The following PPP2R5A variants were observed in gnomAD, a reference collection of about 807,000 sequenced individuals.
The protein encoded by PPP2R5A is serine/threonine-protein phosphatase 2A 56 kDa regulatory subunit alpha isoform.
A neutral mutation model predicts 64.2 loss-of-function variants in PPP2R5A; 25 were observed. The observed-to-expected ratio is 0.39, with a 90% CI of 0.28 to 0.54. The LOEUF (loss-of-function observed/expected upper bound fraction) is 0.54. Ranked by LOEUF, PPP2R5A falls within the 20% of genes least tolerant of loss-of-function variation. The pLI is 0.67. For missense variants in PPP2R5A, 425 were observed against 576.3 expected, an observed-to-expected ratio of 0.74 and a Z score of 2.69; for synonymous variants, 198 against 201.2, an observed-to-expected ratio of 0.98 and a Z score of 0.13.
At chr1:212,286,365 T>C in intron 1 of PPP2R5A, 74 bp downstream of exon 1, 1 of 1,373,726 alleles carries the variant, frequency 7.3e-7, no homozygotes. Flanking sequence ...AGCAGAGCCA[T>C]TTCCTGCTGG....
At chr1:212,321,396 T>C (rs1256034894) in intron 1 of PPP2R5A, among the ~76,000 whole-genome samples, 16 of 148,888 alleles carry the variant, frequency 1.1e-4, no homozygotes, top group Non-Finnish European at 2.1e-4. Flanking sequence ...CCAGACGGGG[T>C]GGCTGCCAGG....
At position 212,356,681 on chromosome 1, in the gene PPP2R5A, G is replaced by A; in HGVS notation, c.978+5G>A. 3 of 1,612,348 alleles carry A rather than the reference G, an allele frequency of 1.9e-6. No homozygotes were observed. Among genetic ancestry groups the A allele is most frequent in the South Asian group, 1.1e-5 (1 of 90,846 alleles). On this transcript the variant is annotated splice_donor_5th_base_variant and intron_variant, in intron 9 of 12. Transcript: ENST00000261461. ...AAAACCTGCAGTCAGAAAGAGGTGGGTTTTGTTCACTAAATGTAGTGCATT... is the reference window on the plus strand; with the variant it reads ...AAAACCTGCAGTCAGAAAGAGGTGGATTTTGTTCACTAAATGTAGTGCATT...
intron 1 of PPP2R5A, among the ~76,000 whole-genome samples, chr1:212,290,118 A>G (rs148484476): frequency 2.6e-3 from 396 of 152,318 alleles, no homozygotes; most frequent in African/African-American, 9.1e-3. Context: ...GTAGCACTCA[A>G]GATTCTTTGT....
intron 1 of PPP2R5A, among the ~76,000 whole-genome samples, chr1:212,315,175 C>T (rs905956473): frequency 6.6e-6 from 1 of 152,192 alleles, no homozygotes; most frequent in Non-Finnish European, 1.5e-5. Flanking sequence ...AATAGTTTCT[C>T]ATCCTGAATT....
At chr1:212,305,949 A>T (rs1658892347) in intron 1 of PPP2R5A, among the ~76,000 whole-genome samples, 1 of 152,212 alleles carries the variant, frequency 6.6e-6, no homozygotes. Context: ...CAAAATCCTA[A>T]GGAAATTGAA....
chr1:212,309,993 TC>T (rs1658998744), intron 1 of PPP2R5A, among the ~76,000 whole-genome samples: 1 of 152,174 alleles, frequency 6.6e-6, no homozygotes, highest in African/African-American at 2.4e-5. Context: ...GGTGTAGTTT[TC>T]CCCCATACTT....
At chr1:212,327,479 A>G (rs1201125215) in intron 1 of PPP2R5A, among the ~76,000 whole-genome samples, 1 of 152,146 alleles carries the variant, frequency 6.6e-6, no homozygotes, top group South Asian at 2.1e-4. Context: ...CAGTGGCGCT[A>G]TCTCGGCTCA....
Position 212,329,254 on chromosome 1 carries a change from C to T in PPP2R5A, c.301C>T (p.Leu101=). The T allele has an allele frequency of 6.2e-7, 1 of 1,612,886 alleles. No individual in the cohort carries two copies. The highest frequency in any genetic ancestry group is 1.1e-5 in the South Asian group (1 of 90,714). ...LKSKEIKRAT[L]NELVEYVSTN... is the part of the protein sequence containing the mutation. ...GAGCAAAGAAATTAAAAGAGCAACA[C>T]TGAATGAACTGGTTGAGTATGTTTC... is the stretch of plus-strand genomic sequence containing the variant. The change falls in exon 2 of 13, where the codon CTG becomes TTG. Residue 101 remains leucine, a synonymous_variant. Coordinates refer to ENST00000261461, the MANE Select transcript of PPP2R5A (RefSeq NM_006243.4).
chr1:212,355,521 TTAC>T (rs1363325809), intron 8 of PPP2R5A, among the ~76,000 whole-genome samples: 2 of 152,194 alleles, frequency 1.3e-5, no homozygotes, highest in Non-Finnish European at 2.9e-5. Context: ...CTAGATGGTT[TTAC>T]AGCCTGTCTC....
At chr1:212,344,101 A>T (rs1158729359) in intron 4 of PPP2R5A, among the ~76,000 whole-genome samples, 1 of 152,076 alleles carries the variant, frequency 6.6e-6, no homozygotes, top group Non-Finnish European at 1.5e-5. Flanking sequence ...CCTCCCAAGT[A>T]GCTGGGACTG....
chr1:212,334,514 G>A (rs148746644), intron 3 of PPP2R5A, among the ~76,000 whole-genome samples: 88 of 152,144 alleles, frequency 5.8e-4, no homozygotes, highest in African/African-American at 2.0e-3. Flanking sequence ...GGCTGGTTTC[G>A]AACACCTGAG....
chr1:212,291,902 A>G (rs192053424), intron 1 of PPP2R5A, among the ~76,000 whole-genome samples: 1 of 152,320 alleles, frequency 6.6e-6, no homozygotes, highest in Non-Finnish European at 1.5e-5. Context: ...AGGTTTGCCT[A>G]ATTTTAATCC....
At chr1:212,314,378 T>C (rs1340258620) in intron 1 of PPP2R5A, among the ~76,000 whole-genome samples, 1 of 152,064 alleles carries the variant, frequency 6.6e-6, no homozygotes, top group Non-Finnish European at 1.5e-5. Flanking sequence ...GGTAGTTTTT[T>C]TTTGTTGTTG....
Position 212,321,477 on chromosome 1 carries a change from G to A in PPP2R5A, c.182-7658G>A, listed in dbSNP as rs1483956966. ...GGGCTCCTCACTTCTCAGACGGTGT[G>A]GCTGCCGGGCGGAGGGGCTCCTCAC... On this transcript the variant is annotated intron_variant, in intron 1 of 12. Coordinates refer to ENST00000261461, the MANE Select transcript of PPP2R5A (RefSeq NM_006243.4). Among the ~76,000 whole-genome samples the A allele has an allele frequency of 2.8e-4, 42 of 150,268 alleles. 2 individuals are homozygous for A. The highest frequency in any genetic ancestry group is 1.0e-3 in the African/African-American group (42 of 40,188).
chr1:212,293,920 C>T (rs1206718158), intron 1 of PPP2R5A, among the ~76,000 whole-genome samples: 2 of 152,068 alleles, frequency 1.3e-5, no homozygotes, highest in African/African-American at 4.8e-5. Flanking sequence ...TAATAAATAT[C>T]TTGCCATTTC....
rs537114370 is a variant in PPP2R5A, at chr1:212,340,680, A to G, written c.481-1508A>G. 2.0e-5 allele frequency among the ~76,000 whole-genome samples: 3 copies of G among 152,380 alleles called. No individual in the cohort carries two copies. In the East Asian group the frequency reaches 5.8e-4, roughly 29 times the overall value. ...TATATCCTTAATTTATGATAAACAC[A>G]AAATGTTAGGTAACATTAGACCAGA... is the stretch of plus-strand genomic sequence containing the variant. On this transcript the variant is annotated intron_variant, in intron 3 of 12. Transcript: ENST00000261461.
intron 8 of PPP2R5A, among the ~76,000 whole-genome samples, chr1:212,350,892 C>T (rs1295651465): frequency 6.6e-6 from 1 of 150,606 alleles, no homozygotes; most frequent in Non-Finnish European, 1.5e-5. Context: ...AATCCCAGCA[C>T]TTTGGGAGGC....
chr1:212,346,762 G>A (rs1481450054), intron 5 of PPP2R5A, among the ~76,000 whole-genome samples: 1 of 152,066 alleles, frequency 6.6e-6, no homozygotes, highest in Non-Finnish European at 1.5e-5. Context: ...GCAAAATTTG[G>A]TTACTATTCC....
In PPP2R5A at chr1:212,360,792, C is replaced by A; in HGVS notation, c.*22C>A. On this transcript the variant is annotated 3_prime_UTR_variant, in exon 13 of 13. Coordinates refer to ENST00000261461, the MANE Select transcript of PPP2R5A (RefSeq NM_006243.4). ...ATAAAAAAAAAGCCTCCCACCTCTG[C>A]CGGATAGGCAGAGTTTTGTATGCTT... The A allele has an allele frequency of 6.7e-7, 1 of 1,499,014 alleles. No individual in the cohort carries two copies. The highest frequency in any genetic ancestry group is 1.4e-5 in the South Asian group (1 of 72,078). The allele number at this position is 1,499,014 out of a possible 1,614,324, so 92.9% of individuals were successfully genotyped here.
Sources: allele counts gnomAD v4.1 joint callset (sites outside exome capture counted in the v4.1 genomes callset), GRCh38; gene constraint gnomAD v4.1.1; transcripts MANE v1.5; gene names NCBI Gene and HGNC (gene_info 2026-07-23, HGNC 2026-07-21).